Variants in FBXO11 observed in about 807,000 individuals in gnomAD.
FBXO11 encodes the protein F-box only protein 11.
A neutral mutation model predicts 117.0 loss-of-function variants in FBXO11; 13 were observed. That is an observed-to-expected ratio of 0.11 (90% CI 0.07 to 0.18). The LOEUF (loss-of-function observed/expected upper bound fraction) is 0.18. Ranked by LOEUF, FBXO11 falls within the 10% of genes least tolerant of loss-of-function variation. The probability of loss-of-function intolerance (pLI) is 1.00; values close to 1 mark genes in which losing one functional copy is unlikely to be tolerated. For missense variants in FBXO11, 767 were observed against 1,164.4 expected, an observed-to-expected ratio of 0.66 and a Z score of 4.97; for synonymous variants, 490 against 380.5, an observed-to-expected ratio of 1.29 and a Z score of -3.35.
At chr2:47,823,408 A>T in intron 11 of FBXO11, 48 bp from the exon 12 acceptor site, 3 of 1,347,426 alleles carry the variant, frequency 2.2e-6, no homozygotes, top group Non-Finnish European at 3.1e-6. Context: ...ACTTTACAAA[A>T]AAAGAAATGC....
chr2:47,884,413 G>C (rs1319495757), intron 1 of FBXO11, among the ~76,000 whole-genome samples: 1 of 152,114 alleles, frequency 6.6e-6, no homozygotes, highest in Non-Finnish European at 1.5e-5. Flanking sequence ...CTGTCAGTAA[G>C]TATATTTAAA....
chr2:47,882,180 C>A (rs772069074), intron 1 of FBXO11, among the ~76,000 whole-genome samples: 1 of 152,224 alleles, frequency 6.6e-6, no homozygotes, highest in Non-Finnish European at 1.5e-5. Flanking sequence ...TCTCTGAGTA[C>A]TATTTGTTCC....
chr2:47,857,900 T>C lies in FBXO11; in HGVS notation c.233-18131A>G, dbSNP rs1674436171. ...ATCATAAGGCAGACGCAGCAGACTT[T>C]TAAAAATCGCCATTATTTTGTCCTT... is the stretch of plus-strand genomic sequence containing the variant. On this transcript the variant is annotated intron_variant, in intron 1 of 22. Transcript: ENST00000403359. 2.6e-5 allele frequency among the ~76,000 whole-genome samples: 4 copies of C among 152,168 alleles called. 1 individual carries two copies. The South Asian group carries it at 8.3e-4, about 32-fold the overall frequency.
At chr2:47,825,094 T>C (rs1671652209) in intron 11 of FBXO11, among the ~76,000 whole-genome samples, 1 of 152,168 alleles carries the variant, frequency 6.6e-6, no homozygotes, top group Non-Finnish European at 1.5e-5. Context: ...TTGATGAATT[T>C]TTTTTGCCAA....
intron 11 of FBXO11, among the ~76,000 whole-genome samples, chr2:47,828,523 G>C (rs1260665873): frequency 6.6e-6 from 1 of 151,606 alleles, no homozygotes; most frequent in Non-Finnish European, 1.5e-5. Context: ...CACAAGAATT[G>C]CTTGAAGCCT....
Position 47,839,858 on chromosome 2 carries a change from G to A in FBXO11, c.233-89C>T, listed in dbSNP as rs189777425. 47 of 1,181,596 alleles carry A rather than the reference G, an allele frequency of 4.0e-5. 1 individual carries two copies. The highest frequency in any genetic ancestry group is 9.1e-5 in the South Asian group (6 of 65,666). 73.2% of individuals were successfully genotyped at this position (1,181,596 alleles called of 1,614,324 possible). A position where few individuals can be genotyped will look rare whatever the true frequency, so the allele number is the denominator to read the frequency against. On this transcript the variant is annotated intron_variant, in intron 1 of 22. Transcript: ENST00000403359. ...AAAACTTTCTTAAAACTTCAAATTC[G>A]GGAGGGAGCAGATGTAAGTTTTATA...
At chr2:47,833,106 T>C (rs761592735) in intron 7 of FBXO11, 36 bp from the exon 8 acceptor site, 14 of 1,426,646 alleles carry the variant, frequency 9.8e-6, no homozygotes, top group Non-Finnish European at 1.4e-5. Context: ...ATTACCTTTA[T>C]TCGATTTCAA....
At position 47,807,426 on chromosome 2, in the gene FBXO11, G is replaced by A; in HGVS notation, c.*692C>T. On this transcript the variant is annotated 3_prime_UTR_variant, in exon 23 of 23. Coordinates refer to ENST00000403359, the MANE Select transcript of FBXO11 (RefSeq NM_001190274.2). ...TTTGAATGCTGCACAGGGAAGGGAA[G>A]GAAATAATAGTCTTAACTTTTCTTA... 4.9e-6 allele frequency: 1 copy of A among 205,476 alleles called. No homozygotes were observed. The highest frequency in any genetic ancestry group is 1.0e-5 in the Non-Finnish European group (1 of 100,176). The allele number at this position is 205,476 out of a possible 1,614,324, so 12.7% of individuals were successfully genotyped here.
At chr2:47,865,396 A>G (rs1675120347) in intron 1 of FBXO11, among the ~76,000 whole-genome samples, 1 of 152,250 alleles carries the variant, frequency 6.6e-6, no homozygotes, top group Non-Finnish European at 1.5e-5. Flanking sequence ...GAAAGAAAGA[A>G]GGCCCTTCTT....
intron 21 of FBXO11, 30 bp downstream of exon 21, chr2:47,809,126 CTT>C (rs1431793113): frequency 7.4e-7 from 1 of 1,343,688 alleles, no homozygotes; most frequent in Middle Eastern, 1.9e-4. Flanking sequence ...CAGTCTTCCT[CTT>C]TTCAGGACTC....
chr2:47,846,222 C>G (rs1490997816), intron 1 of FBXO11, among the ~76,000 whole-genome samples: 1 of 152,140 alleles, frequency 6.6e-6, no homozygotes. Flanking sequence ...AATCCCAGCA[C>G]TTTAGGAGGC....
intron 11 of FBXO11, among the ~76,000 whole-genome samples, chr2:47,829,427 GAC>G (rs1672019763): frequency 6.6e-6 from 1 of 152,136 alleles, no homozygotes; most frequent in South Asian, 2.1e-4. Flanking sequence ...TTCTAGTAGA[GAC>G]AGGGTTTCAC....
chr2:47,889,196 C>G (rs914237696), intron 1 of FBXO11, among the ~76,000 whole-genome samples: 1 of 152,068 alleles, frequency 6.6e-6, no homozygotes, highest in Non-Finnish European at 1.5e-5. Flanking sequence ...AAAACAAAAG[C>G]TTTGTTTAAA....
At chr2:47,876,911 T>C (rs1389692892) in intron 1 of FBXO11, among the ~76,000 whole-genome samples, 1 of 148,188 alleles carries the variant, frequency 6.7e-6, no homozygotes, top group Non-Finnish European at 1.5e-5. Flanking sequence ...TCTCGATCTA[T>C]ATTCATTTTT....
At chr2:47,904,608 AC>A (rs1173055866) in intron 1 of FBXO11, among the ~76,000 whole-genome samples, 9 of 151,044 alleles carry the variant, frequency 6.0e-5, no homozygotes, top group African/African-American at 9.7e-5. Context: ...ACACACACAC[AC>A]ACACACACAC....
intron 3 of FBXO11, 114 bp downstream of exon 3, chr2:47,839,305 C>T: frequency 1.0e-6 from 1 of 958,954 alleles, no homozygotes; most frequent in African/African-American, 1.7e-5. Flanking sequence ...CTGTAATAAT[C>T]ACTTTCTGAA....
chr2:47,836,907 T>C, intron 4 of FBXO11: 1 of 374,648 alleles, frequency 2.7e-6, no homozygotes, highest in Non-Finnish European at 5.2e-6. Context: ...TCTTATTTTT[T>C]GATTTTTTTT....
rs1335755936 is a variant in FBXO11 at position 47,905,817 on chromosome 2, G to T, written c.-97C>A. On this transcript the variant is annotated 5_prime_UTR_variant, in exon 1 of 23. Transcript: ENST00000403359. ...AGAAAGGGGTGGGGAGAGTGGGAGAGGGGGGAGGAAGGAGAGGGGGCGAGG... is the reference window on the plus strand; with the variant it reads ...AGAAAGGGGTGGGGAGAGTGGGAGATGGGGGAGGAAGGAGAGGGGGCGAGG... 4.4e-6 allele frequency: 5 copies of T among 1,132,582 alleles called. No homozygotes were observed. The highest frequency in any genetic ancestry group is 3.3e-5 in the African/African-American group (2 of 60,276). 70.2% of individuals were successfully genotyped at this position (1,132,582 alleles called of 1,614,324 possible). A position where few individuals can be genotyped will look rare whatever the true frequency, so the allele number is the denominator to read the frequency against.
At chr2:47,809,400 G>C (rs775253664) in intron 20 of FBXO11, 134 bp from the exon 21 acceptor site, 6 of 688,694 alleles carry the variant, frequency 8.7e-6, no homozygotes, top group Non-Finnish European at 9.5e-6. Flanking sequence ...TGAAGTAATT[G>C]TAAGAAATCA....
Sources: allele counts gnomAD v4.1 joint callset (sites outside exome capture counted in the v4.1 genomes callset), GRCh38; gene constraint gnomAD v4.1.1; transcripts MANE v1.5; gene names NCBI Gene and HGNC (gene_info 2026-07-23, HGNC 2026-07-21).